SEPHS1: variants seen among roughly 807,000 people sequenced by gnomAD.
SEPHS1 encodes selenophosphate synthetase 1.
SEPHS1 carries 7 observed loss-of-function variants against 39.2 expected under a neutral mutation model. That is an observed-to-expected ratio of 0.18 (90% CI 0.10 to 0.34). The LOEUF (loss-of-function observed/expected upper bound fraction) is 0.34. SEPHS1 is among the 10% of genes least tolerant of loss of function. The probability of loss-of-function intolerance (pLI) is 1.00; values close to 1 mark genes in which losing one functional copy is unlikely to be tolerated. For synonymous variants in SEPHS1, 190 were observed against 195.5 expected, an observed-to-expected ratio of 0.97 and a Z score of 0.23; for missense variants, 253 against 514.5, an observed-to-expected ratio of 0.49 and a Z score of 4.92.
intron 8 of SEPHS1, 97 bp downstream of exon 8, chr10:13,322,738 C>A: frequency 4.2e-6 from 5 of 1,176,686 alleles, no homozygotes; most frequent in South Asian, 4.1e-5. Context: ...GGAACTCGAA[C>A]AGAGTGGGGG....
intron 2 of SEPHS1, among the ~76,000 whole-genome samples, chr10:13,343,677 T>G (rs1588550281): frequency 1.3e-5 from 2 of 151,682 alleles, no homozygotes; most frequent in Non-Finnish European, 2.9e-5. Flanking sequence ...TAGCCGGGCA[T>G]GTGGCAGGGG....
intron 7 of SEPHS1, among the ~76,000 whole-genome samples, chr10:13,325,978 A>G: frequency 6.7e-6 from 1 of 148,342 alleles, no homozygotes; most frequent in African/African-American, 2.5e-5. Context: ...TAATAATAAT[A>G]ATAAATGAAT....
rs1833884086 is a variant in SEPHS1, at chr10:13,344,960, G to GC, written c.-11dup. On this transcript the variant is annotated 5_prime_UTR_variant, in exon 2 of 9. Transcript: ENST00000327347. ...ACTCCCGCGTAGACATGGTTCTTGG[G>GC]CCCCGCTCTCCTCACAGCTCAGCCC... The GC allele has an allele frequency of 2.0e-6, 3 of 1,515,104 alleles. No homozygotes were observed. Among genetic ancestry groups the GC allele is most frequent in the Admixed American group, 1.9e-5 (1 of 51,860 alleles). The allele number at this position is 1,515,104 out of a possible 1,614,324, so 93.9% of individuals were successfully genotyped here.
intron 4 of SEPHS1, among the ~76,000 whole-genome samples, chr10:13,335,215 G>A (rs1005709298): frequency 2.0e-5 from 3 of 152,210 alleles, no homozygotes; most frequent in South Asian, 2.1e-4. Flanking sequence ...ACACAGAGGC[G>A]TGAGCCCCTG....
intron 6 of SEPHS1, 129 bp from the exon 7 acceptor site, chr10:13,328,579 T>A (rs1453604630): frequency 1.5e-6 from 1 of 669,488 alleles, no homozygotes; most frequent in Non-Finnish European, 2.6e-6. Context: ...GAAAACTGAA[T>A]TTTCCAACTC....
chr10:13,334,550 A>AC (rs1014038449), intron 4 of SEPHS1, among the ~76,000 whole-genome samples: 5 of 151,508 alleles, frequency 3.3e-5, no homozygotes, highest in African/African-American at 9.7e-5. Flanking sequence ...TCAAAAACAA[A>AC]AAAAAAAAAT....
At chr10:13,334,087 A>C in intron 4 of SEPHS1, 116 bp from the exon 5 acceptor site, 1 of 924,720 alleles carries the variant, frequency 1.1e-6, no homozygotes, top group South Asian at 1.8e-5. Context: ...GGAAGTCCTC[A>C]AAGTTTACAG....
At chr10:13,335,678 A>T (rs1380663572) in intron 4 of SEPHS1, among the ~76,000 whole-genome samples, 1 of 139,760 alleles carries the variant, frequency 7.2e-6, no homozygotes, top group Non-Finnish European at 1.6e-5. Flanking sequence ...AAACAAAAAA[A>T]AATATACACA....
At position 13,333,843 on chromosome 10, in the gene SEPHS1, A is replaced by C. The variant is rs141555696; in HGVS notation, c.534T>G (p.Thr178=). 1.1e-5 allele frequency: 17 copies of C among 1,613,622 alleles called. No homozygotes were observed. Among genetic ancestry groups the C allele is most frequent in the African/African-American group, 4.0e-5 (3 of 74,888 alleles). The change falls in exon 5 of 9, where the codon ACT becomes ACG. Residue 178 remains threonine, a synonymous_variant. Transcript: ENST00000327347. ...TGATAAATTCATTGGGTTGGCAGACAGTGGTAGCCACTCCTCCCAGGACAA... is the reference window on the plus strand; with the variant it reads ...TGATAAATTCATTGGGTTGGCAGACCGTGGTAGCCACTCCTCCCAGGACAA... ...PWIVLGGVAT[T]VCQPNEFIMP...
intron 8 of SEPHS1, 121 bp downstream of exon 8, chr10:13,322,714 G>A (rs1009769531): frequency 7.5e-5 from 67 of 898,560 alleles, no homozygotes; most frequent in Middle Eastern, 3.4e-4. Context: ...TGCGGAGGCC[G>A]AGGTCAGCAG....
intron 5 of SEPHS1, among the ~76,000 whole-genome samples, chr10:13,330,030 TGA>T (rs1449215716): frequency 1.3e-5 from 2 of 152,160 alleles, no homozygotes; most frequent in Non-Finnish European, 2.9e-5. Flanking sequence ...CCCAGCACTT[TGA>T]GAGGTCAAGA....
chr10:13,336,889 G>A lies in SEPHS1; in HGVS notation c.298-539C>T, dbSNP rs545053998. ...GCTTAGGCTGGGTGTGATAGCTCACGCCTGTAATCCCAGCAATTTGAGAGG... is the reference window on the plus strand; with the variant it reads ...GCTTAGGCTGGGTGTGATAGCTCACACCTGTAATCCCAGCAATTTGAGAGG... On this transcript the variant is annotated intron_variant, in intron 3 of 8. Transcript: ENST00000327347. Among the ~76,000 whole-genome samples, 28 of 152,322 alleles carry A rather than the reference G, an allele frequency of 1.8e-4. 1 individual carries two copies. In the South Asian group the frequency reaches 5.4e-3, roughly 29 times the overall value.
At chr10:13,341,809 A>C (rs539777587) in intron 2 of SEPHS1, among the ~76,000 whole-genome samples, 216 of 151,784 alleles carry the variant, frequency 1.4e-3, no homozygotes, top group African/African-American at 4.9e-3. Flanking sequence ...ATACAAAAAA[A>C]TTAGCTGGGT....
intron 5 of SEPHS1, 79 bp from the exon 6 acceptor site, chr10:13,329,867 T>G: frequency 2.9e-5 from 33 of 1,149,370 alleles, no homozygotes; most frequent in Non-Finnish European, 3.8e-5. Context: ...AGAGAAGGAA[T>G]AATCTGTCAA....
In SEPHS1 at chr10:13,320,423, C is replaced by T. The variant is rs915533751; in HGVS notation, c.965-1067G>A. 5.9e-5 allele frequency among the ~76,000 whole-genome samples: 9 copies of T among 151,962 alleles called. No individual in the cohort carries two copies. The South Asian group carries it at 1.0e-3, about 18-fold the overall frequency. ...GTCTCGATCTCCTGACCTCGTGATC[C>T]ACCCGCCTTGGCCTCCCAAAGTGCT... On this transcript the variant is annotated intron_variant, in intron 8 of 8. Coordinates refer to ENST00000327347, the MANE Select transcript of SEPHS1 (RefSeq NM_012247.5).
chr10:13,335,649 G>C (rs1833603620), intron 4 of SEPHS1, among the ~76,000 whole-genome samples: 1 of 145,740 alleles, frequency 6.9e-6, no homozygotes, highest in Non-Finnish European at 1.5e-5. Context: ...GGGTGACAGA[G>C]TGAGACTCTG....
chr10:13,334,062 C>T, intron 4 of SEPHS1, 91 bp from the exon 5 acceptor site: 1 of 1,169,908 alleles, frequency 8.5e-7, no homozygotes, highest in South Asian at 1.5e-5. Context: ...ATAAAAAGAA[C>T]CATAAAATCC....
rs1833462033 is a variant in SEPHS1 at position 13,331,323 on chromosome 10, G to A, written c.561-1535C>T. ...TGTGCATGCGTCTTTACAGCAGCAT[G>A]ATTTATAATCCTTTGGGTATATACC... is the stretch of plus-strand genomic sequence containing the variant. On this transcript the variant is annotated intron_variant, in intron 5 of 8. Transcript: ENST00000327347. Among the ~76,000 whole-genome samples, 3 of 152,152 alleles carry A rather than the reference G, an allele frequency of 2.0e-5. No individual in the cohort carries two copies. In the South Asian group the frequency reaches 6.2e-4, roughly 31 times the overall value.
intron 2 of SEPHS1, 51 bp downstream of exon 2, chr10:13,344,707 T>C: frequency 1.2e-5 from 16 of 1,293,314 alleles, no homozygotes; most frequent in Non-Finnish European, 1.6e-5. Flanking sequence ...AATCCAGTTT[T>C]TGACTCACTG....
Sources: allele counts gnomAD v4.1 joint callset (sites outside exome capture counted in the v4.1 genomes callset), GRCh38; gene constraint gnomAD v4.1.1; transcripts MANE v1.5; gene names NCBI Gene and HGNC (gene_info 2026-07-23, HGNC 2026-07-21).